The following RIMS3 variants were observed in gnomAD, a reference collection of about 807,000 sequenced individuals.
The protein encoded by RIMS3 is regulating synaptic membrane exocytosis 3.
Under a neutral mutation model 29.2 loss-of-function variants are expected in RIMS3, and 15 were observed. The ratio of observed to expected loss-of-function variants is 0.51; its 90% CI spans 0.34 to 0.79. The LOEUF is 0.79. Ranked by LOEUF, RIMS3 falls within the 30% of genes least tolerant of loss-of-function variation. RIMS3 has a pLI of 0.01. For missense variants in RIMS3, 342 were observed against 421.4 expected (o/e 0.81, Z 1.65); for synonymous variants, 161 against 170.1 (o/e 0.95, Z 0.41).
chr1:40,665,892 C>T (rs1642419796), upstream of RIMS3, among the ~76,000 whole-genome samples: 1 of 152,144 alleles, frequency 6.6e-6, no homozygotes, highest in Non-Finnish European at 1.5e-5. Flanking sequence ...CTCTCCGTGT[C>T]CCTAGGACTC....
upstream of RIMS3, among the ~76,000 whole-genome samples, chr1:40,670,558 AGT>A (rs1421306701): frequency 1.6e-5 from 2 of 123,080 alleles, no homozygotes; most frequent in East Asian, 4.7e-4. Flanking sequence ...ATTTTCCATA[AGT>A]GTTAGTTATA....
At chr1:40,686,151 A>G in the RIMS3 span, among the ~76,000 whole-genome samples, 4 of 152,074 alleles carry the variant, frequency 2.6e-5, no homozygotes, top group Non-Finnish European at 5.9e-5. Flanking sequence ...CTCTGTCTCA[A>G]AAGAAAAAAA....
chr1:40,655,977 C>T (rs1247877004), intron 1 of RIMS3, among the ~76,000 whole-genome samples: 1 of 152,260 alleles, frequency 6.6e-6, no homozygotes, highest in Non-Finnish European at 1.5e-5. Context: ...CGTGCCACTG[C>T]ACTCCAGCCT....
rs1456634999 is a variant in RIMS3 at position 40,635,289 on chromosome 1, G to A, written c.359+627C>T. Among the ~76,000 whole-genome samples the A allele has an allele frequency of 6.6e-6, 1 of 152,210 alleles. No individual in the cohort carries two copies. Among genetic ancestry groups the A allele is most frequent in the African/African-American group, 2.4e-5 (1 of 41,448 alleles). ...TCAGATTTTTTAATGCAACCTACAT[G>A]TAAGAAAGGAGATTTAACATCATGA... On this transcript the variant is annotated intron_variant, in intron 4 of 7. Transcript: ENST00000372684. This position sits in a 1 kb window ranked among gnomAD's most constrained non-coding sequence, Gnocchi z 4.1.
the RIMS3 span, among the ~76,000 whole-genome samples, chr1:40,682,351 A>G: frequency 4.6e-5 from 7 of 152,130 alleles, no homozygotes; most frequent in Non-Finnish European, 1.0e-4. Context: ...GTCTAGCCAC[A>G]GTGTAAGTGC....
intron 1 of RIMS3, among the ~76,000 whole-genome samples, chr1:40,661,156 G>A (rs1642346951): frequency 6.6e-6 from 1 of 152,142 alleles, no homozygotes; most frequent in Non-Finnish European, 1.5e-5. Context: ...ATAGCTGTGC[G>A]ACTTTGGCTA....
Position 40,626,359 on chromosome 1 carries a change from C to T in RIMS3, c.*158G>A. 1 of 707,456 alleles carries T rather than the reference C, an allele frequency of 1.4e-6. No individual in the cohort carries two copies. Among genetic ancestry groups the T allele is most frequent in the Non-Finnish European group, 2.5e-6 (1 of 398,682 alleles). 43.8% of individuals were successfully genotyped at this position (707,456 alleles called of 1,614,324 possible). A position where few individuals can be genotyped will look rare whatever the true frequency, so the allele number is the denominator to read the frequency against. On this transcript the variant is annotated 3_prime_UTR_variant, in exon 8 of 8. Transcript: ENST00000372684. Reference sequence around the variant, plus strand: ...ACACACACGCACGCACACACGCACACACTACAGTCTCCACTGCCAGCTGGG... The same window carrying T: ...ACACACACGCACGCACACACGCACATACTACAGTCTCCACTGCCAGCTGGG...
At chr1:40,684,997 C>T in the RIMS3 span, among the ~76,000 whole-genome samples, 3 of 152,054 alleles carry the variant, frequency 2.0e-5, no homozygotes, top group Admixed American at 6.6e-5. Flanking sequence ...TGAGACCTCG[C>T]TTAGATTTGG....
At chr1:40,682,792 G>A in the RIMS3 span, among the ~76,000 whole-genome samples, 2 of 110,728 alleles carry the variant, frequency 1.8e-5, no homozygotes, top group Non-Finnish European at 1.8e-5. Flanking sequence ...CCAGGCTGGA[G>A]TGCAGTGGTG....
chr1:40,644,213 T>C (rs531474540), intron 2 of RIMS3, among the ~76,000 whole-genome samples: 10 of 152,354 alleles, frequency 6.6e-5, no homozygotes, highest in Admixed American at 6.5e-4. Context: ...GCGCTGGCCT[T>C]CCAATGATGT....
At chr1:40,649,739 C>T (rs1013329839) in intron 1 of RIMS3, among the ~76,000 whole-genome samples, 1 of 152,206 alleles carries the variant, frequency 6.6e-6, no homozygotes, top group Non-Finnish European at 1.5e-5. Flanking sequence ...GCTGCTGTCA[C>T]CATGGCTACC....
intron 6 of RIMS3, 80 bp downstream of exon 6, chr1:40,629,191 G>C (rs778710628): frequency 1.6e-6 from 2 of 1,286,418 alleles, no homozygotes; most frequent in African/African-American, 2.9e-5. Context: ...ATTTAGGCCA[G>C]TGGGAGCTGA....
chr1:40,644,019 T>C (rs889248372), intron 2 of RIMS3, among the ~76,000 whole-genome samples: 9 of 144,416 alleles, frequency 6.2e-5, no homozygotes, highest in Non-Finnish European at 1.4e-4. Flanking sequence ...CTCTTACTTG[T>C]CCAAGGGGGG....
chr1:40,649,597 C>T (rs1209660095), intron 1 of RIMS3, among the ~76,000 whole-genome samples: 2 of 152,236 alleles, frequency 1.3e-5, no homozygotes, highest in Admixed American at 6.5e-5. Flanking sequence ...TGTGTGCAAG[C>T]TTGAACACAT....
chr1:40,639,320 T>C (rs895372197), intron 3 of RIMS3, among the ~76,000 whole-genome samples: 1 of 152,170 alleles, frequency 6.6e-6, no homozygotes, highest in Non-Finnish European at 1.5e-5. Flanking sequence ...TGGCACCAGA[T>C]GCTCCCACCC....
the RIMS3 span, among the ~76,000 whole-genome samples, chr1:40,678,624 A>G: frequency 6.6e-6 from 1 of 152,190 alleles, no homozygotes; most frequent in African/African-American, 2.4e-5. Context: ...TAAGCTCTCC[A>G]TAACACAGTT....
chr1:40,680,053 G>A, the RIMS3 span, among the ~76,000 whole-genome samples: 1 of 152,000 alleles, frequency 6.6e-6, no homozygotes, highest in Non-Finnish European at 1.5e-5. Context: ...CCTGCACTTT[G>A]GAAGGCTGAG....
intron 2 of RIMS3, among the ~76,000 whole-genome samples, chr1:40,645,710 C>T (rs1283276069): frequency 1.3e-5 from 2 of 152,150 alleles, no homozygotes; most frequent in East Asian, 1.9e-4. Context: ...GAGAGTACCA[C>T]CCCCAGGGGG....
intron 5 of RIMS3, among the ~76,000 whole-genome samples, chr1:40,632,462 A>G (rs1198938104): frequency 9.7e-6 from 1 of 102,838 alleles, no homozygotes; most frequent in Non-Finnish European, 2.0e-5. Flanking sequence ...ATATATATAT[A>G]TGCCATCTAG....
Sources: allele counts gnomAD v4.1 joint callset (sites outside exome capture counted in the v4.1 genomes callset), GRCh38; gene constraint gnomAD v4.1.1; non-coding constraint Gnocchi (gnomAD v3.1); transcripts MANE v1.5; gene names NCBI Gene and HGNC (gene_info 2026-07-23, HGNC 2026-07-21).